Variants in ARSB observed in about 807,000 individuals in gnomAD.
ARSB encodes N-acetylgalactosamine-4-sulfatase.
ARSB carries 41 observed loss-of-function variants against 50.9 expected under a neutral mutation model. That is an observed-to-expected ratio of 0.81 (90% CI 0.63 to 1.04). ARSB has a LOEUF of 1.04. Ranked by LOEUF, ARSB falls within the 50% of genes least tolerant of loss-of-function variation. The pLI is 0.00. For missense variants in ARSB, 672 were observed against 693.3 expected (o/e 0.97, Z 0.35); for synonymous variants, 269 against 284.8 (o/e 0.94, Z 0.56).
At position 78,827,248 on chromosome 5, in the gene ARSB, G is replaced by A. The variant is rs781041799; in HGVS notation, c.1213+12108C>T. Among the ~76,000 whole-genome samples, 52 of 151,860 alleles carry A rather than the reference G, an allele frequency of 3.4e-4. 1 individual carries two copies. The highest frequency in any genetic ancestry group is 7.5e-4 in the Non-Finnish European group (51 of 67,936). On this transcript the variant is annotated intron_variant, in intron 6 of 7. Transcript: ENST00000264914. The stretch of plus-strand genomic sequence containing the variant: ...TTTTGAAATAGAGTCTTGCTCTGTC[G>A]CCCAGGCTGGAGTGCAGTGGTGCAC...
At chr5:78,786,175 T>G (rs924393446) in intron 6 of ARSB, among the ~76,000 whole-genome samples, 2 of 152,202 alleles carry the variant, frequency 1.3e-5, no homozygotes, top group African/African-American at 4.8e-5. Flanking sequence ...CCTCCAGCCC[T>G]AGGCAACCCT....
At chr5:78,842,780 C>CCT (rs1561452738) in intron 5 of ARSB, among the ~76,000 whole-genome samples, 38 of 141,622 alleles carry the variant, frequency 2.7e-4, no homozygotes, top group Middle Eastern at 3.6e-3. Context: ...GTTTTTTTCC[C>CCT]TTTTTTTTTT....
chr5:78,826,814 G>A (rs2112686479), intron 6 of ARSB, among the ~76,000 whole-genome samples: 1 of 152,302 alleles, frequency 6.6e-6, no homozygotes, highest in South Asian at 2.1e-4. Flanking sequence ...AAGTGAGAGA[G>A]ATACTAACAG....
At chr5:78,868,880 G>C (rs1178031800) in intron 5 of ARSB, among the ~76,000 whole-genome samples, 2 of 151,328 alleles carry the variant, frequency 1.3e-5, no homozygotes, top group African/African-American at 4.9e-5. Context: ...GTTGGATAAA[G>C]AGTCAAGACC....
At position 78,778,684 on chromosome 5, in the gene ARSB, G is replaced by T. The variant is rs1748838304; in HGVS notation, c.*1713C>A. The T allele has an allele frequency of 6.6e-6, 1 of 152,180 alleles. No individual in the cohort carries two copies. The highest frequency in any genetic ancestry group is 2.1e-4 in the South Asian group (1 of 4,828). 9.4% of individuals were successfully genotyped at this position (152,180 alleles called of 1,614,324 possible). On this transcript the variant is annotated 3_prime_UTR_variant, in exon 8 of 8. Coordinates refer to ENST00000264914, the MANE Select transcript of ARSB (RefSeq NM_000046.5). ...GCTCATTGGACTAGCATCTTTCATG[G>T]TGTGAGACTTTCTCATTTACTCATT...
chr5:78,792,566 A>C (rs1268855605), intron 6 of ARSB, among the ~76,000 whole-genome samples: 1 of 152,170 alleles, frequency 6.6e-6, no homozygotes, highest in Non-Finnish European at 1.5e-5. Context: ...AAGTCATTTA[A>C]CCACTCTGAG....
chr5:78,816,998 A>T (rs1336027571), intron 6 of ARSB: 41 of 797,074 alleles, frequency 5.1e-5, no homozygotes, highest in Non-Finnish European at 6.1e-5. Flanking sequence ...GTGAGGTAGT[A>T]AACAGGTGTT....
intron 6 of ARSB, among the ~76,000 whole-genome samples, chr5:78,789,040 T>A (rs1749171143): frequency 6.6e-6 from 1 of 152,238 alleles, no homozygotes; most frequent in Non-Finnish European, 1.5e-5. Context: ...AGGGGAGGGC[T>A]GGAGATACTT....
At chr5:78,905,344 G>GTTTTGTTT (rs1554081215) in intron 4 of ARSB, among the ~76,000 whole-genome samples, 5 of 130,544 alleles carry the variant, frequency 3.8e-5, no homozygotes, top group East Asian at 2.5e-4. Context: ...GTATTTTCCT[G>GTTTTGTTT]TTTTTTTTTT....
intron 4 of ARSB, among the ~76,000 whole-genome samples, chr5:78,940,473 G>A (rs1257676975): frequency 1.3e-5 from 2 of 152,170 alleles, no homozygotes; most frequent in Non-Finnish European, 2.9e-5. Context: ...AAGGTGTAAG[G>A]AAAGGATCCA....
intron 3 of ARSB, among the ~76,000 whole-genome samples, chr5:78,962,661 G>A (rs1353193831): frequency 2.0e-5 from 3 of 151,602 alleles, no homozygotes; most frequent in Non-Finnish European, 4.4e-5. Flanking sequence ...CAGAGTAGCT[G>A]GACTACAGGC....
chr5:78,858,799 T>C (rs950711294), intron 5 of ARSB, among the ~76,000 whole-genome samples: 7 of 152,206 alleles, frequency 4.6e-5, no homozygotes, highest in Non-Finnish European at 5.9e-5. Context: ...TCATCCTTGT[T>C]ATCATCTTCA....
At chr5:78,932,057 T>A (rs1056436608) in intron 4 of ARSB, among the ~76,000 whole-genome samples, 3 of 152,214 alleles carry the variant, frequency 2.0e-5, no homozygotes, top group Non-Finnish European at 4.4e-5. Context: ...CAGGTATTTC[T>A]TTATAGCAGT....
At chr5:78,785,791 C>T (rs1385879917) in intron 6 of ARSB, among the ~76,000 whole-genome samples, 1 of 152,094 alleles carries the variant, frequency 6.6e-6, no homozygotes, top group Non-Finnish European at 1.5e-5. Context: ...TAGGTAAGAC[C>T]TGTAAGATGT....
intron 6 of ARSB, chr5:78,817,029 T>C (rs1744015380): frequency 1.0e-6 from 1 of 952,698 alleles, no homozygotes; most frequent in Non-Finnish European, 1.2e-6. Flanking sequence ...GCTAAATTTG[T>C]GGTAATTTGC....
intron 4 of ARSB, among the ~76,000 whole-genome samples, chr5:78,924,191 G>A (rs73113976): frequency 0.047 from 7,174 of 152,232 alleles, 363 homozygotes; most frequent in African/African-American, 0.12. Flanking sequence ...CTGGTGCTAG[G>A]TGCTTTATGT....
chr5:78,902,845 T>C (rs1748868374), intron 4 of ARSB, among the ~76,000 whole-genome samples: 1 of 152,160 alleles, frequency 6.6e-6, no homozygotes, highest in South Asian at 2.1e-4. Flanking sequence ...TAGACAATGG[T>C]GATGATTGCA....
intron 4 of ARSB, among the ~76,000 whole-genome samples, chr5:78,927,637 C>T (rs1290499005): frequency 6.6e-6 from 1 of 152,184 alleles, no homozygotes; most frequent in African/African-American, 2.4e-5. Flanking sequence ...CTCTTTCACC[C>T]ACCACCAATT....
intron 6 of ARSB, among the ~76,000 whole-genome samples, chr5:78,792,585 T>C (rs189443143): frequency 6.6e-6 from 1 of 152,310 alleles, no homozygotes; most frequent in East Asian, 1.9e-4. Context: ...AGTTCCTGTT[T>C]CCTTGTATGC....
Sources: gnomAD v4.1 joint callset for allele counts (sites outside exome capture counted in the v4.1 genomes callset) on GRCh38, gnomAD v4.1.1 for gene constraint, MANE v1.5 for transcripts, NCBI Gene and HGNC (gene_info 2026-07-23, HGNC 2026-07-21) for gene names.